Variants in CCKBR observed in about 807,000 individuals in gnomAD.
CCKBR encodes the protein cholecystokinin B receptor.
Under a neutral mutation model 34.6 loss-of-function variants are expected in CCKBR, and 33 were observed. The ratio of observed to expected loss-of-function variants is 0.95; its 90% CI spans 0.72 to 1.27. The LOEUF is 1.27. Ranked by LOEUF, CCKBR falls within the 50% of genes most tolerant of loss-of-function variation. CCKBR has a pLI of 0.00. For synonymous variants in CCKBR, 269 were observed against 267.5 expected, an observed-to-expected ratio of 1.01 and a Z score of -0.06; for missense variants, 652 against 617.4, an observed-to-expected ratio of 1.06 and a Z score of -0.59.
In CCKBR at chr11:6,270,741, G is replaced by A; in HGVS notation, c.749G>A (p.Arg250His). The part of the protein sequence containing the change: ...LISRELYLGL[R>H]FDGDSDSDSQ... ...TCTCGCGAGCTCTACTTAGGGCTTC[G>A]CTTTGACGGCGACAGTGACAGCGAC... The change falls in exon 4 of 5, where the codon CGC (arginine) becomes CAC (histidine). Residue 250 changes from arginine (R) to histidine (H), a missense_variant. Physicochemically the swap from Arg to His is conservative, Grantham distance 29. Coordinates refer to ENST00000334619, the MANE Select transcript of CCKBR (RefSeq NM_176875.4). 6.2e-7 allele frequency: 1 copy of A among 1,614,178 alleles called. No individual in the cohort carries two copies. Among genetic ancestry groups the A allele is most frequent in the Non-Finnish European group, 8.5e-7 (1 of 1,180,048 alleles).
chr11:6,263,226 C>G (rs1399735270), intron 1 of CCKBR, among the ~76,000 whole-genome samples: 1 of 152,228 alleles, frequency 6.6e-6, no homozygotes, highest in African/African-American at 2.4e-5. Flanking sequence ...TGTTACCACA[C>G]TCACTTTAAT....
intron 3 of CCKBR, 92 bp downstream of exon 3, chr11:6,270,429 G>C (rs12364575): frequency 0.69 from 1,040,523 of 1,505,524 alleles, 367,975 homozygotes; most frequent in East Asian, 0.89. Context: ...CAGCTTCCCG[G>C]AGAATTACCA....
intron 1 of CCKBR, among the ~76,000 whole-genome samples, chr11:6,261,240 G>A (rs1283921260): frequency 9.2e-5 from 14 of 151,772 alleles, no homozygotes; most frequent in Non-Finnish European, 1.3e-4. Context: ...AGAGCTCAAA[G>A]TTTAATGGGC....
Position 6,270,232 on chromosome 11 carries a change from G to T in CCKBR, c.548G>T (p.Gly183Val), listed in dbSNP as rs765162201. ...ATTGTAGCCACGTGGCTGCTGTCCGGACTACTCATGGTGCCCTACCCCGTG... is the reference window on the plus strand; with the variant it reads ...ATTGTAGCCACGTGGCTGCTGTCCGTACTACTCATGGTGCCCTACCCCGTG... ...RVIVATWLLS[G>V]LLMVPYPVYT... Residue 183 changes from glycine (G) to valine (V), a missense_variant, in exon 3 of 5, where the codon GGA (glycine) becomes GTA (valine). Coordinates refer to ENST00000334619, the MANE Select transcript of CCKBR (RefSeq NM_176875.4). 1.2e-5 allele frequency: 19 copies of T among 1,613,196 alleles called. No individual in the cohort carries two copies. The East Asian group carries it at 4.0e-4, about 34-fold the overall frequency.
At chr11:6,264,687 G>A in intron 1 of CCKBR, 1 of 590,020 alleles carries the variant, frequency 1.7e-6, no homozygotes, top group Non-Finnish European at 3.0e-6. Context: ...TGAAGCCACT[G>A]TCATCACTCA....
intron 1 of CCKBR, among the ~76,000 whole-genome samples, chr11:6,261,450 A>ATATATATATATATAT (rs1228835875): frequency 3.1e-5 from 1 of 32,182 alleles, no homozygotes; most frequent in African/African-American, 8.1e-5. Context: ...AAAAAAAAAA[A>ATATATATATATATAT]AAAAATATAT....
In CCKBR at chr11:6,271,140, C is replaced by T. The variant is rs201626406; in HGVS notation, c.941C>T (p.Pro314Leu). The T allele has an allele frequency of 1.8e-5, 29 of 1,613,834 alleles. No homozygotes were observed. The highest frequency in any genetic ancestry group is 1.6e-4 in the Middle Eastern group (1 of 6,084). Residue 314 changes from proline to leucine, a missense_variant, in exon 5 of 5, where the codon CCG becomes CTG. Physicochemically the swap from Pro to Leu is moderately conservative, Grantham distance 98. Transcript: ENST00000334619. ...CTGACGGCGCTGACGGCTCCTGGGC[C>T]GGGATCCGGCTCCCGGCCCACCCAG... ...LELTALTAPG[P>L]GSGSRPTQAK...
intron 1 of CCKBR, among the ~76,000 whole-genome samples, chr11:6,262,080 A>G (rs955951354): frequency 2.0e-5 from 3 of 152,244 alleles, no homozygotes; most frequent in Non-Finnish European, 4.4e-5. Flanking sequence ...AAGATAACAA[A>G]ACAGCAGAAA....
chr11:6,263,220 A>G (rs1296888136), intron 1 of CCKBR, among the ~76,000 whole-genome samples: 1 of 152,206 alleles, frequency 6.6e-6, no homozygotes, highest in Non-Finnish European at 1.5e-5. Flanking sequence ...GACAAATGTT[A>G]CCACACTCAC....
At chr11:6,261,462 T>TATATATATACACACACACACAC (rs764173521) in intron 1 of CCKBR, among the ~76,000 whole-genome samples, 13 of 63,986 alleles carry the variant, frequency 2.0e-4, no homozygotes, top group East Asian at 6.4e-4. Context: ...AAAATATATA[T>TATATATATACACACACACACAC]ACACACACAC....
In CCKBR at chr11:6,259,979, G is replaced by C. The variant is rs751311120; in HGVS notation, c.51G>C (p.Pro17=). The C allele has an allele frequency of 1.9e-6, 3 of 1,561,610 alleles. No homozygotes were observed. Among genetic ancestry groups the C allele is most frequent in the East Asian group, 2.5e-5 (1 of 39,424 alleles). The part of the protein sequence containing the change: ...NRSVQGTGPG[P]GASLCRPGAP... ...GCGTGCAGGGAACCGGACCCGGGCC[G>C]GGGGCTTCCCTGTGCCGCCCGGGGG... The change falls in exon 1 of 5, where the codon CCG becomes CCC. Residue 17 remains proline, a synonymous_variant. Coordinates refer to ENST00000334619, the MANE Select transcript of CCKBR (RefSeq NM_176875.4).
At chr11:6,270,520 A>G in intron 3 of CCKBR, 126 bp from the exon 4 acceptor site, 1 of 1,364,882 alleles carries the variant, frequency 7.3e-7, no homozygotes, top group Non-Finnish European at 1.0e-6. Flanking sequence ...TCCCAGCGGC[A>G]CCCCCAAATC....
chr11:6,269,611 G>C (rs1005046542), intron 1 of CCKBR, 58 bp from the exon 2 acceptor site: 4 of 1,585,660 alleles, frequency 2.5e-6, no homozygotes, highest in Middle Eastern at 1.7e-4. Context: ...CGGAAGGAGG[G>C]GGATTTGACT....
At chr11:6,260,103 C>A in intron 1 of CCKBR, 24 bp downstream of exon 1, 3 of 1,569,018 alleles carry the variant, frequency 1.9e-6, no homozygotes, top group Non-Finnish European at 2.6e-6. Flanking sequence ...TCAGCCCCCC[C>A]CACAAGCTAT....
In CCKBR at chr11:6,271,112, G is replaced by C. The variant is rs142419010; in HGVS notation, c.913G>C (p.Glu305Gln). ...ACTTCCACGTTCCCGGCCTGCCCTG[G>C]AGCTGACGGCGCTGACGGCTCCTGG... ...VQLPRSRPAL[E>Q]LTALTAPGPG... The change falls in exon 5 of 5, where the codon GAG becomes CAG. Residue 305 changes from glutamate to glutamine, a missense_variant. Transcript: ENST00000334619. 1.2e-6 allele frequency: 2 copies of C among 1,614,062 alleles called. No individual in the cohort carries two copies. The highest frequency in any genetic ancestry group is 2.7e-5 in the African/African-American group (2 of 75,072).
At chr11:6,266,968 T>C (rs1016309645) in intron 1 of CCKBR, among the ~76,000 whole-genome samples, 2 of 152,198 alleles carry the variant, frequency 1.3e-5, no homozygotes, top group African/African-American at 2.4e-5. Flanking sequence ...CAATGTTATG[T>C]ATTTGTGTAT....
rs1171410975 is a variant in CCKBR at position 6,271,100 on chromosome 11, C to T, written c.901C>T (p.Arg301Trp). 12 of 1,613,980 alleles carry T rather than the reference C, an allele frequency of 7.4e-6. No homozygotes were observed. Among genetic ancestry groups the T allele is most frequent in the African/African-American group, 1.3e-5 (1 of 74,942 alleles). ...DGCYVQLPRS[R>W]PALELTALTA... is the part of the protein sequence containing the mutation. ...CTGCTACGTGCAACTTCCACGTTCC[C>T]GGCCTGCCCTGGAGCTGACGGCGCT... is the stretch of plus-strand genomic sequence containing the variant. Residue 301 changes from arginine to tryptophan, a missense_variant, in exon 5 of 5, where the codon CGG (arginine) becomes TGG (tryptophan). Transcript: ENST00000334619.
At position 6,271,353 on chromosome 11, in the gene CCKBR, T is replaced by C; in HGVS notation, c.1154T>C (p.Val385Ala). 6.2e-7 allele frequency: 1 copy of C among 1,614,168 alleles called. No individual in the cohort carries two copies. Reference protein sequence around the residue: ...IHLLSYASACVNPLVYCFMHR... With the variant: ...IHLLSYASACANPLVYCFMHR... ...TTGCTGAGCTACGCCTCGGCCTGTG[T>C]CAACCCCCTGGTCTACTGCTTCATG... is the stretch of plus-strand genomic sequence containing the variant. Residue 385 changes from valine (V) to alanine (A), a missense_variant, in exon 5 of 5, where the codon GTC (valine) becomes GCC (alanine). Transcript: ENST00000334619.
At chr11:6,266,024 G>T (rs141861468) in intron 1 of CCKBR, among the ~76,000 whole-genome samples, 421 of 152,284 alleles carry the variant, frequency 2.8e-3, no homozygotes, top group African/African-American at 9.7e-3. Flanking sequence ...TGCTAGGGAT[G>T]ATGAGTGCTA....
Sources: allele counts gnomAD v4.1 joint callset (sites outside exome capture counted in the v4.1 genomes callset), GRCh38; gene constraint gnomAD v4.1.1; transcripts MANE v1.5; gene names NCBI Gene and HGNC (gene_info 2026-07-23, HGNC 2026-07-21).